GSPT1: variants seen among roughly 807,000 people sequenced by gnomAD.
GSPT1 encodes the protein G1 to S phase transition 1, also known as eukaryotic peptide chain release factor GTP-binding subunit ERF3A.
In GSPT1, 20 loss-of-function variants were observed where a neutral mutation model predicts 72.5. The observed-to-expected ratio is 0.28, with a 90% CI of 0.19 to 0.40. The LOEUF is 0.40. Ranked by LOEUF, GSPT1 falls within the 10% of genes least tolerant of loss-of-function variation. GSPT1 has a pLI of 1.00. For missense variants in GSPT1, 580 were observed against 811.9 expected (o/e 0.71, Z 3.47); for synonymous variants, 334 against 293.5 (o/e 1.14, Z -1.41).
chr16:11,910,681 A>T (rs1407043486), intron 1 of GSPT1, among the ~76,000 whole-genome samples: 1 of 152,210 alleles, frequency 6.6e-6, no homozygotes, highest in Admixed American at 6.5e-5. Flanking sequence ...CAAGGCTTAA[A>T]CTTTGTCGTC....
At chr16:11,899,808 C>G (rs1467700267) in intron 1 of GSPT1, among the ~76,000 whole-genome samples, 1 of 152,148 alleles carries the variant, frequency 6.6e-6, no homozygotes, top group Non-Finnish European at 1.5e-5. Flanking sequence ...TTCTCAGAGC[C>G]TGGAACTGAG....
At chr16:11,892,817 G>C (rs1231404379) in intron 5 of GSPT1, among the ~76,000 whole-genome samples, 1 of 86,152 alleles carries the variant, frequency 1.2e-5, no homozygotes, top group African/African-American at 5.7e-5. Flanking sequence ...CTGGGCGATA[G>C]AGATTCTGTC....
At chr16:11,914,413 A>G (rs1250363960) in intron 1 of GSPT1, among the ~76,000 whole-genome samples, 4 of 152,246 alleles carry the variant, frequency 2.6e-5, no homozygotes, top group African/African-American at 9.6e-5. Context: ...AAGTACGGGA[A>G]GATGTTTAAA....
chr16:11,886,731 C>A (rs1471920194), intron 8 of GSPT1, 46 bp downstream of exon 8: 4 of 1,583,794 alleles, frequency 2.5e-6, no homozygotes. Flanking sequence ...AATAACAAAA[C>A]CATCCTTAAT....
chr16:11,873,528 C>T (rs189852531), intron 14 of GSPT1, among the ~76,000 whole-genome samples: 1 of 152,132 alleles, frequency 6.6e-6, no homozygotes. Flanking sequence ...CCAGGCTGGT[C>T]TTGAACTCCT....
chr16:11,912,409 C>T (rs144085817), intron 1 of GSPT1, among the ~76,000 whole-genome samples: 3 of 151,208 alleles, frequency 2.0e-5, no homozygotes, highest in East Asian at 1.9e-4. Context: ...TCAGCAAATA[C>T]GGAACACTAC....
chr16:11,892,829 C>CATAAAAAAAAA (rs2054284967), intron 5 of GSPT1, among the ~76,000 whole-genome samples: 1 of 31,224 alleles, frequency 3.2e-5, no homozygotes, highest in African/African-American at 1.4e-4. Flanking sequence ...GATTCTGTCT[C>CATAAAAAAAAA]AAAAAAAAAA....
At chr16:11,911,814 AG>A (rs2054560999) in intron 1 of GSPT1, among the ~76,000 whole-genome samples, 1 of 141,212 alleles carries the variant, frequency 7.1e-6, no homozygotes, top group East Asian at 2.1e-4. Context: ...GGCCTCCCAA[AG>A]TGCTGGGATT....
chr16:11,879,751 AAAAAC>A (rs1567436241), intron 11 of GSPT1, among the ~76,000 whole-genome samples: 1 of 151,002 alleles, frequency 6.6e-6, no homozygotes, highest in Non-Finnish European at 1.5e-5. Context: ...AAAAAAAAAA[AAAAAC>A]AAAACAAAAA....
chr16:11,873,212 GC>G (rs777111322), intron 14 of GSPT1, 41 bp from the exon 15 acceptor site: 1 of 973,586 alleles, frequency 1.0e-6, no homozygotes, highest in East Asian at 2.4e-5. Context: ...GTAGTTAACA[GC>G]AAGTCTATAT....
chr16:11,908,048 C>T (rs984136300), intron 1 of GSPT1, among the ~76,000 whole-genome samples: 2 of 151,208 alleles, frequency 1.3e-5, no homozygotes, highest in Admixed American at 6.6e-5. Context: ...GCGAGACCAG[C>T]CTGGCCAGCA....
intron 1 of GSPT1, among the ~76,000 whole-genome samples, chr16:11,914,161 G>T (rs563863108): frequency 4.6e-5 from 7 of 152,196 alleles, no homozygotes; most frequent in Non-Finnish European, 4.4e-5. Flanking sequence ...ATGAAAGGAC[G>T]TTCAGCCTTT....
At chr16:11,887,887 G>C (rs527410783) in intron 6 of GSPT1, 137 bp from the exon 7 acceptor site, 1 of 679,284 alleles carries the variant, frequency 1.5e-6, no homozygotes, top group African/African-American at 1.8e-5. Flanking sequence ...AAATTGAGCC[G>C]GGTGCGGTGG....
chr16:11,894,712 A>G (rs2054312939), intron 5 of GSPT1, among the ~76,000 whole-genome samples: 1 of 152,232 alleles, frequency 6.6e-6, no homozygotes, highest in South Asian at 2.1e-4. Flanking sequence ...TTCAAACTCC[A>G]GACCTCAAGT....
intron 5 of GSPT1, among the ~76,000 whole-genome samples, chr16:11,893,985 C>T (rs1200999785): frequency 6.6e-6 from 1 of 151,306 alleles, no homozygotes; most frequent in East Asian, 1.9e-4. Flanking sequence ...TGAAACACCA[C>T]CTCTACAAAA....
chr16:11,876,607 G>A (rs1437841918), intron 12 of GSPT1, among the ~76,000 whole-genome samples: 4 of 152,148 alleles, frequency 2.6e-5, no homozygotes, highest in Non-Finnish European at 5.9e-5. Flanking sequence ...AGCCAGGCGT[G>A]GTGGTGGGCG....
In GSPT1 at chr16:11,891,319, ATATAT is replaced by A. The variant is rs766813364; in HGVS notation, c.699-185_699-181del. Among the ~76,000 whole-genome samples, 403 of 147,766 alleles carry A rather than the reference ATATAT, an allele frequency of 2.7e-3. 4 individuals carry two copies. The highest frequency in any genetic ancestry group is 0.025 in the Middle Eastern group (7 of 280). ...CATATATAACATATTTTTATATAAA[ATATAT>A]TACACATTTTTATATAAAATATATA... On this transcript the variant is annotated intron_variant, in intron 5 of 14. Coordinates refer to ENST00000434724, the MANE Select transcript of GSPT1 (RefSeq NM_002094.4).
chr16:11,889,329 CTTTTTTTTTTTT>C (rs902991145), intron 6 of GSPT1, among the ~76,000 whole-genome samples: 13 of 60,072 alleles, frequency 2.2e-4, no homozygotes, highest in East Asian at 1.4e-3. Flanking sequence ...CCCTCTTCTT[CTTTTTTTTTTTT>C]TTTTTTTTTT....
chr16:11,899,137 A>T (rs1475051876), intron 1 of GSPT1, among the ~76,000 whole-genome samples: 1 of 152,214 alleles, frequency 6.6e-6, no homozygotes, highest in Middle Eastern at 3.2e-3. Context: ...GATACTAAAG[A>T]ATTAAATCAT....
Sources: gnomAD v4.1 joint callset for allele counts (sites outside exome capture counted in the v4.1 genomes callset) on GRCh38, gnomAD v4.1.1 for gene constraint, MANE v1.5 for transcripts, NCBI Gene and HGNC (gene_info 2026-07-23, HGNC 2026-07-21) for gene names.